DNAH17: variants seen among roughly 807,000 people sequenced by gnomAD.
DNAH17 encodes dynein axonemal heavy chain 17.
Under a neutral mutation model 485.6 loss-of-function variants are expected in DNAH17, and 376 were observed. The ratio of observed to expected loss-of-function variants is 0.77; its 90% CI spans 0.71 to 0.84. DNAH17 has a LOEUF of 0.84. Ranked by LOEUF, DNAH17 falls within the 40% of genes least tolerant of loss-of-function variation. The pLI is 0.00. For missense variants in DNAH17, 6,370 were observed against 5,839.3 expected, an observed-to-expected ratio of 1.09 and a Z score of -2.96; for synonymous variants, 3,031 against 2,405.9, an observed-to-expected ratio of 1.26 and a Z score of -7.60.
chr17:78,445,271 G>A (rs373959380), intron 70 of DNAH17, among the ~76,000 whole-genome samples: 2 of 152,078 alleles, frequency 1.3e-5, no homozygotes, highest in Admixed American at 6.5e-5. Context: ...GGGATGGTAA[G>A]AGGCCCTGAG....
At chr17:78,469,886 G>A (rs2088664108) in intron 54 of DNAH17, among the ~76,000 whole-genome samples, 1 of 152,126 alleles carries the variant, frequency 6.6e-6, no homozygotes, top group South Asian at 2.1e-4. Context: ...GTCAGGGACA[G>A]AAAGAAGAAT....
At chr17:78,468,016 C>CAAAAA (rs1250610248) in intron 55 of DNAH17, among the ~76,000 whole-genome samples, 1 of 88,596 alleles carries the variant, frequency 1.1e-5, no homozygotes, top group African/African-American at 4.4e-5. Flanking sequence ...AACTCCATCT[C>CAAAAA]AAAAAAAAAA....
At position 78,449,415 on chromosome 17, in the gene DNAH17, T is replaced by C. The variant is rs1289139601; in HGVS notation, c.11210A>G (p.Gln3737Arg). ...AGGAACAGTGAGGCTAGACATTACC[T>C]GAAACGTAACTTGTGCCAGGAAAAT... ...KLIFLAQVTF[Q>R]VLSMKKELNP... Residue 3737 changes from glutamine to arginine, a missense_variant and splice_region_variant, in exon 69 of 81, where the codon CAG becomes CGG. Gln to Arg is a conservative substitution (Grantham distance 43). Transcript: ENST00000389840. 14 of 1,548,922 alleles carry C rather than the reference T, an allele frequency of 9.0e-6. No individual in the cohort carries two copies. The highest frequency in any genetic ancestry group is 2.6e-6 in the Non-Finnish European group (3 of 1,145,664).
chr17:78,440,648 G>A (rs914545128), intron 72 of DNAH17, among the ~76,000 whole-genome samples: 2 of 152,150 alleles, frequency 1.3e-5, no homozygotes, highest in African/African-American at 4.8e-5. Flanking sequence ...TCAGTTAATG[G>A]ACATTTGGGT....
intron 11 of DNAH17, among the ~76,000 whole-genome samples, chr17:78,563,583 T>TG (rs2092205343): frequency 6.6e-6 from 1 of 152,194 alleles, no homozygotes; most frequent in Non-Finnish European, 1.5e-5. Flanking sequence ...TATTTTTCTC[T>TG]GTCTTCCCAT....
chr17:78,434,261 G>A (rs771124120), intron 74 of DNAH17, 41 bp from the exon 75 acceptor site: 3 of 1,561,452 alleles, frequency 1.9e-6, no homozygotes, highest in Non-Finnish European at 2.6e-6. Context: ...GGGAGAGGGA[G>A]AAGTTTACAC....
chr17:78,432,265 C>T (rs944875226), intron 75 of DNAH17, among the ~76,000 whole-genome samples: 2 of 152,126 alleles, frequency 1.3e-5, no homozygotes, highest in African/African-American at 4.8e-5. Context: ...CTAGTCTCTG[C>T]GTGGTTTGGC....
At chr17:78,424,333 G>T (rs1448112997) in intron 80 of DNAH17, 180 bp from the exon 81 acceptor site, 7 of 693,606 alleles carry the variant, frequency 1.0e-5, no homozygotes, top group Admixed American at 6.0e-5. Context: ...CCTGCATGTT[G>T]TAACTACCCC....
chr17:78,562,628 AAAC>A (rs1457634876), intron 11 of DNAH17, among the ~76,000 whole-genome samples: 3 of 152,218 alleles, frequency 2.0e-5, no homozygotes, highest in Non-Finnish European at 4.4e-5. Flanking sequence ...TCTCCAGAAA[AAAC>A]AAACCCAAAA....
intron 73 of DNAH17, among the ~76,000 whole-genome samples, chr17:78,438,537 G>A (rs1299667210): frequency 6.3e-5 from 9 of 142,968 alleles, no homozygotes; most frequent in Non-Finnish European, 1.4e-4. Flanking sequence ...TCACTCTGTC[G>A]CCCGGGCTGG....
chr17:78,547,650 C>G (rs1458532508), intron 16 of DNAH17, among the ~76,000 whole-genome samples: 1 of 147,870 alleles, frequency 6.8e-6, no homozygotes, highest in African/African-American at 2.5e-5. Flanking sequence ...TGGAGTCTCA[C>G]TCTGTCTCCC....
intron 75 of DNAH17, 50 bp from the exon 76 acceptor site, chr17:78,429,350 C>T (rs763302737): frequency 5.1e-6 from 8 of 1,581,838 alleles, no homozygotes; most frequent in Admixed American, 3.5e-5. Flanking sequence ...TGCCCCTTCT[C>T]TGCCATGAGA....
Position 78,506,725 on chromosome 17 carries a change from C to T in DNAH17, c.4798G>A (p.Val1600Met), listed in dbSNP as rs76449350. The change falls in exon 30 of 81, where the codon GTG (valine) becomes ATG (methionine). Residue 1600 changes from valine to methionine, a missense_variant. Transcript: ENST00000389840. ...ATGCAAGGGGCCCCGCCTACCTCCA[C>T]GGGGTCATTGCCATTGGAGAGAATG... ...LDILSNGNDP[V>M]EVSRHLSKLF... 2.5e-3 allele frequency: 3,958 copies of T among 1,613,924 alleles called. 11 individuals are homozygous for T. The highest frequency in any genetic ancestry group is 2.8e-3 in the Non-Finnish European group (3,332 of 1,179,872).
rs143602861 is a variant in DNAH17, at chr17:78,567,075, C to T, written c.1376G>A (p.Arg459His). Residue 459 changes from arginine to histidine, a missense_variant, in exon 10 of 81, where the codon CGT (arginine) becomes CAT (histidine). Arg to His is a conservative substitution (Grantham distance 29). Transcript: ENST00000389840. Reference sequence around the variant, plus strand: ...CAGCTCAAAGACCTCATCATAGATACGGGTCACCAGGCTCCCGAGGAGGTT... The same window carrying T: ...CAGCTCAAAGACCTCATCATAGATATGGGTCACCAGGCTCCCGAGGAGGTT... ...RGNLLGSLVT[R>H]IYDEVFELVK... The T allele has an allele frequency of 9.2e-5, 148 of 1,613,532 alleles. 1 individual carries two copies. In the African/African-American group the frequency reaches 1.4e-3, roughly 16 times the overall value.
In DNAH17 at chr17:78,480,013, C is replaced by CTTT. The variant is rs370344478; in HGVS notation, c.7753-384_7753-382dup. 6.0e-3 allele frequency among the ~76,000 whole-genome samples: 421 copies of CTTT among 70,514 alleles called. 129 individuals are homozygous for CTTT. The highest frequency in any genetic ancestry group is 7.7e-3 in the Non-Finnish European group (247 of 31,916). 46.3% of individuals were successfully genotyped at this position (70,514 alleles called of 152,430 possible). ...CTGAATTTCAGATAAACAACAAGTA[C>CTTT]TTTTTTTTTTTTTTTTTTTTTTTTT... On this transcript the variant is annotated intron_variant, in intron 49 of 80. Coordinates refer to ENST00000389840, the MANE Select transcript of DNAH17 (RefSeq NM_173628.4).
At chr17:78,473,534 ACT>A (rs1168500062) in intron 54 of DNAH17, among the ~76,000 whole-genome samples, 3 of 126,710 alleles carry the variant, frequency 2.4e-5, no homozygotes, top group African/African-American at 1.0e-4. Flanking sequence ...ACAGAGTGAG[ACT>A]CTGTCTCAAA....
chr17:78,502,607 T>C lies in DNAH17; in HGVS notation c.5174A>G (p.Asp1725Gly), dbSNP rs373285861. Reference protein sequence around the residue: ...LEEGYENAIRDYNKKQISQLN... With the variant: ...LEEGYENAIRGYNKKQISQLN... ...GTAACACACCTGCTTTTTGTTATAA[T>C]CTCTGATAGCGTTTTCATAGCCTTC... The change falls in exon 33 of 81, where the codon GAT becomes GGT. Residue 1725 changes from aspartate (D) to glycine (G), a missense_variant. Physicochemically the swap from Asp to Gly is moderately conservative, Grantham distance 94. Transcript: ENST00000389840. 218 of 1,613,020 alleles carry C rather than the reference T, an allele frequency of 1.4e-4. 1 individual carries two copies. The highest frequency in any genetic ancestry group is 1.8e-4 in the Non-Finnish European group (208 of 1,179,634).
At chr17:78,514,519 A>T (rs919208159) in intron 26 of DNAH17, among the ~76,000 whole-genome samples, 184 of 151,016 alleles carry the variant, frequency 1.2e-3, no homozygotes, top group African/African-American at 4.1e-3. Context: ...AAAAAAAAAA[A>T]AAAGAAAAAG....
chr17:78,576,594 C>T lies in DNAH17; in HGVS notation c.-26+701G>A, dbSNP rs117776323. The stretch of plus-strand genomic sequence containing the variant: ...ACCCAGGATCTCCGAGACCCGGGGA[C>T]GCGTCACGTCGTCATTTCCTAGGGG... On this transcript the variant is annotated intron_variant, in intron 1 of 80. Coordinates refer to ENST00000389840, the MANE Select transcript of DNAH17 (RefSeq NM_173628.4). 4.6e-3 allele frequency among the ~76,000 whole-genome samples: 694 copies of T among 152,178 alleles called. 4 individuals are homozygous for T. The highest frequency in any genetic ancestry group is 7.0e-3 in the Non-Finnish European group (476 of 68,014).
Sources: allele counts gnomAD v4.1 joint callset (sites outside exome capture counted in the v4.1 genomes callset), GRCh38; gene constraint gnomAD v4.1.1; transcripts MANE v1.5; gene names NCBI Gene and HGNC (gene_info 2026-07-23, HGNC 2026-07-21).